Variants in SLCO3A1 observed in about 807,000 individuals in gnomAD.
SLCO3A1 encodes PGE1 transporter.
A neutral mutation model predicts 63.1 loss-of-function variants in SLCO3A1; 27 were observed. The ratio of observed to expected loss-of-function variants is 0.43; its 90% CI spans 0.32 to 0.59. The LOEUF (loss-of-function observed/expected upper bound fraction) is 0.59. SLCO3A1 is among the 20% of genes least tolerant of loss of function. The probability of loss-of-function intolerance (pLI) is 0.09; values close to 1 mark genes in which losing one functional copy is unlikely to be tolerated. For synonymous variants in SLCO3A1, 473 were observed against 409.9 expected, an observed-to-expected ratio of 1.15 and a Z score of -1.86; for missense variants, 773 against 945.8, an observed-to-expected ratio of 0.82 and a Z score of 2.40.
At chr15:91,919,597 A>C (rs540122170) in intron 2 of SLCO3A1, among the ~76,000 whole-genome samples, 1 of 152,352 alleles carries the variant, frequency 6.6e-6, no homozygotes, top group South Asian at 2.1e-4. Flanking sequence ...TTGGGAGTCT[A>C]GTCATGCCTC....
chr15:92,146,960 A>T, intron 7 of SLCO3A1, 24 bp from the exon 8 acceptor site: 1 of 1,577,332 alleles, frequency 6.3e-7, no homozygotes, highest in Admixed American at 1.9e-5. Context: ...CCCCAGATAA[A>T]AGGGCTGAAC....
At chr15:91,998,315 G>A (rs954118133) in intron 2 of SLCO3A1, among the ~76,000 whole-genome samples, 1 of 152,054 alleles carries the variant, frequency 6.6e-6, no homozygotes, top group African/African-American at 2.4e-5. Flanking sequence ...TTTGCTGGAT[G>A]TGGTGGCGCA....
chr15:91,922,189 C>T (rs904631539), intron 2 of SLCO3A1, among the ~76,000 whole-genome samples: 7 of 130,970 alleles, frequency 5.3e-5, no homozygotes, highest in South Asian at 3.0e-4. Flanking sequence ...GACACACGCG[C>T]GTGCACGCAC....
chr15:92,028,883 C>T (rs1036206337), intron 2 of SLCO3A1, among the ~76,000 whole-genome samples: 2 of 115,688 alleles, frequency 1.7e-5, no homozygotes, highest in East Asian at 2.5e-4. Context: ...GAGATCTTGA[C>T]GTTCTTGTTT....
At chr15:91,895,150 T>A (rs1897972260) in intron 1 of SLCO3A1, among the ~76,000 whole-genome samples, 4 of 152,188 alleles carry the variant, frequency 2.6e-5, no homozygotes. Flanking sequence ...AAGAAGCCTT[T>A]AAAGCAAAAT....
At chr15:92,127,487 G>A (rs2047939604) in intron 6 of SLCO3A1, among the ~76,000 whole-genome samples, 1 of 152,176 alleles carries the variant, frequency 6.6e-6, no homozygotes, top group Admixed American at 6.5e-5. Flanking sequence ...GGGTTATAAT[G>A]AGAATAAATG....
At chr15:91,878,878 T>G (rs1897473355) in intron 1 of SLCO3A1, among the ~76,000 whole-genome samples, 1 of 152,228 alleles carries the variant, frequency 6.6e-6, no homozygotes. Context: ...ACTTAGGAAA[T>G]AAGAATTTGG....
chr15:92,072,066 GT>G (rs1238363291), intron 2 of SLCO3A1, among the ~76,000 whole-genome samples: 1 of 152,222 alleles, frequency 6.6e-6, no homozygotes, highest in Non-Finnish European at 1.5e-5. Context: ...TGCACTGTGC[GT>G]TTTCCCTCCT....
chr15:91,902,310 C>T (rs1898180245), intron 1 of SLCO3A1, among the ~76,000 whole-genome samples: 1 of 152,038 alleles, frequency 6.6e-6, no homozygotes. Context: ...GATTCTCCCA[C>T]CCCAGCCTCC....
At chr15:92,040,604 C>T (rs190111741) in intron 2 of SLCO3A1, among the ~76,000 whole-genome samples, 103 of 152,304 alleles carry the variant, frequency 6.8e-4, no homozygotes, top group Non-Finnish European at 1.2e-3. Flanking sequence ...CTGGTACCTT[C>T]CTCTCCTAAG....
At chr15:91,996,141 A>C (rs569314585) in intron 2 of SLCO3A1, among the ~76,000 whole-genome samples, 1 of 152,310 alleles carries the variant, frequency 6.6e-6, no homozygotes, top group South Asian at 2.1e-4. Flanking sequence ...ATCAGTATTC[A>C]GATTTAACAG....
chr15:92,007,758 A>T (rs916379482), intron 2 of SLCO3A1, among the ~76,000 whole-genome samples: 2 of 152,206 alleles, frequency 1.3e-5, no homozygotes, highest in African/African-American at 4.8e-5. Flanking sequence ...TTGGGGCATC[A>T]TGCATTAAAT....
intron 2 of SLCO3A1, among the ~76,000 whole-genome samples, chr15:92,014,750 G>A (rs980544210): frequency 7.2e-5 from 11 of 152,158 alleles, no homozygotes; most frequent in Non-Finnish European, 8.8e-5. Context: ...GGCACTTTGA[G>A]GATATTGTCC....
chr15:92,043,991 T>C (rs1289572584), intron 2 of SLCO3A1, among the ~76,000 whole-genome samples: 1 of 152,194 alleles, frequency 6.6e-6, no homozygotes, highest in Non-Finnish European at 1.5e-5. Flanking sequence ...GCTTCCCCTG[T>C]CTGAAAAGGA....
At position 91,916,146 on chromosome 15, in the gene SLCO3A1, G is replaced by T; in HGVS notation, c.334G>T (p.Gly112Cys). 6.2e-7 allele frequency: 1 copy of T among 1,608,448 alleles called. No homozygotes were observed. The change falls in exon 2 of 10, where the codon GGC becomes TGC. Residue 112 changes from glycine (G) to cysteine (C), a missense_variant. Physicochemically the swap from Gly to Cys is radical, Grantham distance 159. Around this residue, in one of 3 missense-constraint regions of SLCO3A1, gnomAD observed 565 missense variants for 749.8 expected, o/e 0.75. Coordinates refer to ENST00000318445, the MANE Select transcript of SLCO3A1 (RefSeq NM_013272.4). The surrounding 1 kb of genome is among the most constrained non-coding windows in gnomAD (Gnocchi z 6.2). ...GCACCGGCCGCGCCTGATCGGCTGC[G>T]GCGGCATCGTCATGGCGCTGGGCGC... Reference protein sequence around the residue: ...RGHRPRLIGCGGIVMALGALL... With the variant: ...RGHRPRLIGCCGIVMALGALL...
rs766530127 is a variant in SLCO3A1 at position 92,151,041 on chromosome 15, A to G, written c.1753+27A>G. ...TATGTATTATCTCTTTATTTCCTCA[A>G]TAATGAATTGGATGCTTATTACTAG... is the stretch of plus-strand genomic sequence containing the variant. On this transcript the variant is annotated intron_variant, in intron 9 of 9. Transcript: ENST00000318445. The G allele has an allele frequency of 1.1e-5, 16 of 1,497,206 alleles. No homozygotes were observed. The African/African-American group carries it at 1.1e-4, about 10-fold the overall frequency. The allele number at this position is 1,497,206 out of a possible 1,614,324, so 92.7% of individuals were successfully genotyped here.
intron 2 of SLCO3A1, among the ~76,000 whole-genome samples, chr15:92,035,449 A>G (rs2046713487): frequency 6.6e-6 from 1 of 151,824 alleles, no homozygotes; most frequent in Admixed American, 6.6e-5. Flanking sequence ...ATGCACATAT[A>G]GGATTATTAA....
chr15:91,922,196 G>T (rs75194215), intron 2 of SLCO3A1, among the ~76,000 whole-genome samples: 1 of 151,322 alleles, frequency 6.6e-6, no homozygotes, highest in Admixed American at 6.6e-5. Flanking sequence ...GCGCGTGCAC[G>T]CACACACACA....
At chr15:92,064,961 G>C (rs970708641) in intron 2 of SLCO3A1, among the ~76,000 whole-genome samples, 10 of 152,144 alleles carry the variant, frequency 6.6e-5, no homozygotes, top group African/African-American at 2.4e-4. Context: ...AGCACAGCAA[G>C]GTGACTGTAG....
Sources: gnomAD v4.1 joint callset for allele counts (sites outside exome capture counted in the v4.1 genomes callset) on GRCh38, gnomAD v4.1.1 for gene constraint, gnomAD v4.1.1 regional missense constraint, Gnocchi (gnomAD v3.1) non-coding constraint, MANE v1.5 for transcripts, NCBI Gene and HGNC (gene_info 2026-07-23, HGNC 2026-07-21) for gene names.